The following PLPPR1 variants were observed in gnomAD, a reference collection of about 807,000 sequenced individuals.
PLPPR1 encodes the protein phospholipid phosphatase-related protein type 1.
A neutral mutation model predicts 33.1 loss-of-function variants in PLPPR1; 10 were observed. The ratio of observed to expected loss-of-function variants is 0.30; its 90% CI spans 0.19 to 0.51. The LOEUF (loss-of-function observed/expected upper bound fraction) is 0.51, where lower values mean the gene tolerates loss of function less well. Ranked by LOEUF, PLPPR1 falls within the 20% of genes least tolerant of loss-of-function variation. The pLI is 0.97. For missense variants in PLPPR1, 304 were observed against 408.1 expected (o/e 0.74, Z 2.20); for synonymous variants, 151 against 151.0 (o/e 1.00, Z 0.00).
chr9:101,239,732 T>C (rs1827411822), intron 2 of PLPPR1, among the ~76,000 whole-genome samples: 1 of 151,930 alleles, frequency 6.6e-6, no homozygotes, highest in Non-Finnish European at 1.5e-5. Flanking sequence ...TCTATTCGGA[T>C]CATTTGTCCA....
At chr9:101,169,549 G>C (rs968533818) in intron 1 of PLPPR1, among the ~76,000 whole-genome samples, 4 of 151,970 alleles carry the variant, frequency 2.6e-5, no homozygotes, top group Non-Finnish European at 4.4e-5. Flanking sequence ...CTTCTCAACT[G>C]CTTCAGGTCA....
chr9:101,132,740 G>A (rs952611308), intron 1 of PLPPR1, among the ~76,000 whole-genome samples: 5 of 152,180 alleles, frequency 3.3e-5, no homozygotes, highest in Non-Finnish European at 7.3e-5. Context: ...TACTGGGGAA[G>A]GCTCTGCATA....
chr9:101,053,222 A>G (rs1379198971), intron 1 of PLPPR1, among the ~76,000 whole-genome samples: 1 of 152,140 alleles, frequency 6.6e-6, no homozygotes, highest in Non-Finnish European at 1.5e-5. Context: ...TTATCTAATC[A>G]CTGGAGCCTG....
At chr9:101,259,908 G>T (rs992085694) in intron 2 of PLPPR1, among the ~76,000 whole-genome samples, 1 of 152,114 alleles carries the variant, frequency 6.6e-6, no homozygotes, top group Non-Finnish European at 1.5e-5. Context: ...ATGACTTTGA[G>T]TTCTGTCTGT....
intron 1 of PLPPR1, among the ~76,000 whole-genome samples, chr9:101,043,413 G>A (rs1830106985): frequency 6.7e-6 from 1 of 150,144 alleles, no homozygotes; most frequent in Non-Finnish European, 1.5e-5. Context: ...ATATGTATGT[G>A]TGTATATATA....
chr9:101,202,616 A>G (rs1467449269), intron 2 of PLPPR1, among the ~76,000 whole-genome samples: 1 of 152,332 alleles, frequency 6.6e-6, no homozygotes, highest in East Asian at 1.9e-4. Context: ...CCCAGAAAGT[A>G]CTATAGAGAG....
At chr9:101,313,951 T>C (rs569623970) in intron 6 of PLPPR1, among the ~76,000 whole-genome samples, 50 of 152,338 alleles carry the variant, frequency 3.3e-4, no homozygotes, top group African/African-American at 1.1e-3. Context: ...CATAATTATT[T>C]TGAGATTCAT....
intron 2 of PLPPR1, among the ~76,000 whole-genome samples, chr9:101,205,216 A>C (rs1826566628): frequency 6.6e-6 from 1 of 152,166 alleles, no homozygotes; most frequent in Non-Finnish European, 1.5e-5. Flanking sequence ...TCACTAGGAG[A>C]GTTAAAAAAT....
Position 101,254,785 on chromosome 9 carries a change from A to T in PLPPR1, c.64-15095A>T, listed in dbSNP as rs536656981. On this transcript the variant is annotated intron_variant, in intron 2 of 7. Transcript: ENST00000374874. ...TATGTAATATTCCATCATAGGCAGT[A>T]CCTCATTTTACTTATTTTCCTGTTC... 3.3e-5 allele frequency among the ~76,000 whole-genome samples: 5 copies of T among 152,266 alleles called. No individual in the cohort carries two copies. The South Asian group carries it at 8.3e-4, about 25-fold the overall frequency.
chr9:101,191,593 A>G (rs921806490), intron 2 of PLPPR1, among the ~76,000 whole-genome samples: 57 of 152,230 alleles, frequency 3.7e-4, no homozygotes, highest in African/African-American at 1.2e-3. Context: ...GGTGAGTGAA[A>G]CATCTGAAAA....
At chr9:101,050,261 AT>A (rs1830204636) in intron 1 of PLPPR1, among the ~76,000 whole-genome samples, 1 of 151,670 alleles carries the variant, frequency 6.6e-6, no homozygotes. Flanking sequence ...TTCCAAATTG[AT>A]TTGATTTTTC....
chr9:101,165,249 A>AT (rs1158913155), intron 1 of PLPPR1, among the ~76,000 whole-genome samples: 1 of 152,152 alleles, frequency 6.6e-6, no homozygotes, highest in Non-Finnish European at 1.5e-5. Context: ...AGAGATGGTG[A>AT]TTTTCTCACT....
intron 1 of PLPPR1, among the ~76,000 whole-genome samples, chr9:101,108,019 C>A (rs1048504992): frequency 6.7e-6 from 1 of 148,640 alleles, no homozygotes; most frequent in African/African-American, 2.5e-5. Context: ...GCGCACGGTG[C>A]GCGCACACAC....
chr9:101,268,578 A>G (rs1022498092), intron 2 of PLPPR1, among the ~76,000 whole-genome samples: 1 of 152,154 alleles, frequency 6.6e-6, no homozygotes, highest in Non-Finnish European at 1.5e-5. Context: ...CTTTTTTCCT[A>G]CAGATCAGGA....
intron 2 of PLPPR1, among the ~76,000 whole-genome samples, chr9:101,249,138 C>T (rs1445761399): frequency 6.6e-6 from 1 of 152,044 alleles, no homozygotes; most frequent in African/African-American, 2.4e-5. Flanking sequence ...AAAAGATAGC[C>T]ATCCTCACTG....
chr9:101,101,943 A>C (rs1830906225), intron 1 of PLPPR1, among the ~76,000 whole-genome samples: 2 of 152,116 alleles, frequency 1.3e-5, no homozygotes, highest in African/African-American at 4.8e-5. Flanking sequence ...GTGCAGTACT[A>C]TTCTCCCAAA....
intron 1 of PLPPR1, among the ~76,000 whole-genome samples, chr9:101,048,146 G>A (rs572399787): frequency 6.6e-6 from 1 of 152,160 alleles, no homozygotes; most frequent in African/African-American, 2.4e-5. Context: ...TTCTTCTTCT[G>A]TGTCTTGAGA....
chr9:101,098,746 A>T (rs1414152209), intron 1 of PLPPR1, among the ~76,000 whole-genome samples: 3 of 152,156 alleles, frequency 2.0e-5, no homozygotes, highest in Admixed American at 6.6e-5. Flanking sequence ...GTTCAAGAGG[A>T]ACCAACTGGG....
At chr9:101,031,310 A>G (rs558150032) in intron 1 of PLPPR1, among the ~76,000 whole-genome samples, 29 of 152,262 alleles carry the variant, frequency 1.9e-4, no homozygotes, top group African/African-American at 7.0e-4. Context: ...ATTATACTAG[A>G]TTCTATTTAC....
Sources: allele counts gnomAD v4.1 joint callset (sites outside exome capture counted in the v4.1 genomes callset), GRCh38; gene constraint gnomAD v4.1.1; transcripts MANE v1.5; gene names NCBI Gene and HGNC (gene_info 2026-07-23, HGNC 2026-07-21).